The following ALS2CL variants were observed in gnomAD, a reference collection of about 807,000 sequenced individuals.
ALS2CL encodes the protein ALS2 C-terminal like, also known as ALS2 C-terminal-like protein.
ALS2CL carries 112 observed loss-of-function variants against 127.9 expected under a neutral mutation model. The observed-to-expected ratio is 0.88, with a 90% CI of 0.75 to 1.02. The LOEUF is 1.02. Ranked by LOEUF, ALS2CL falls within the 50% of genes least tolerant of loss-of-function variation. The pLI is 0.00. For synonymous variants in ALS2CL, 519 were observed against 527.6 expected, an observed-to-expected ratio of 0.98 and a Z score of 0.22; for missense variants, 1,174 against 1,236.7, an observed-to-expected ratio of 0.95 and a Z score of 0.76.
At chr3:46,675,497 T>C in intron 20 of ALS2CL, 121 bp downstream of exon 20, 1 of 924,070 alleles carries the variant, frequency 1.1e-6, no homozygotes, top group Non-Finnish European at 1.7e-6. Flanking sequence ...CAATGTTTGG[T>C]CAATAGAGTG....
In ALS2CL at chr3:46,686,974, G is replaced by A; in HGVS notation, c.534+9C>T. On this transcript the variant is annotated intron_variant, in intron 5 of 25. Transcript: ENST00000318962. The surrounding 1 kb of genome is among the most constrained non-coding windows in gnomAD (Gnocchi z 4.3). ...GGCTTCCCCACATGCTGCTGCCCCT[G>A]GTACCCACCTCCCCAATGGTGTCCC... 1 of 1,581,164 alleles carries A rather than the reference G, an allele frequency of 6.3e-7. No individual in the cohort carries two copies. The highest frequency in any genetic ancestry group is 1.7e-4 in the Middle Eastern group (1 of 5,896).
chr3:46,675,716 G>T, intron 19 of ALS2CL, 30 bp from the exon 20 acceptor site: 1 of 1,612,258 alleles, frequency 6.2e-7, no homozygotes. Flanking sequence ...AAATGGTGTG[G>T]CTGCCCCTTG....
chr3:46,691,722 C>CTTT (rs1029410954), intron 1 of ALS2CL, among the ~76,000 whole-genome samples: 4 of 134,686 alleles, frequency 3.0e-5, no homozygotes, highest in African/African-American at 8.2e-5. Context: ...TCTTTCTATT[C>CTTT]TTTTTTTTTT....
At chr3:46,687,229 A>T in intron 4 of ALS2CL, 81 bp from the exon 5 acceptor site, 1 of 1,419,150 alleles carries the variant, frequency 7.0e-7, no homozygotes, top group Non-Finnish European at 9.3e-7. Flanking sequence ...TGCCCCAGCT[A>T]ATCCCCTCAG....
Position 46,688,185 on chromosome 3 carries a change from T to C in ALS2CL, c.215A>G (p.Gln72Arg), listed in dbSNP as rs1424069857. The stretch of plus-strand genomic sequence containing the variant: ...GGAGTCCGGGTAACGCAGCCTCTCC[T>C]GCAGTGAGTGCAGGCTTTCCTCCGT... ...EVTEESLHSL[Q>R]ERLRYPDSTG... Residue 72 changes from glutamine (Q) to arginine (R), a missense_variant, in exon 3 of 26, where the codon CAG becomes CGG. Gln to Arg is a conservative substitution (Grantham distance 43). Transcript: ENST00000318962. 2 of 1,613,108 alleles carry C rather than the reference T, an allele frequency of 1.2e-6. No individual in the cohort carries two copies. The highest frequency in any genetic ancestry group is 2.2e-5 in the East Asian group (1 of 44,878).
intron 2 of ALS2CL, 23 bp from the exon 3 acceptor site, chr3:46,688,319 C>A: frequency 6.2e-7 from 1 of 1,608,108 alleles, no homozygotes; most frequent in Non-Finnish European, 8.5e-7. Context: ...TACAGTCACA[C>A]TGTGAGTAGA....
chr3:46,689,191 C>T lies in ALS2CL; in HGVS notation c.103+147G>A, dbSNP rs1022758648. ...TTGCAGTGAGCCAAGATCGCACCAC[C>T]TGCATCAGAAGATGCTGATACCAGG... On this transcript the variant is annotated intron_variant, in intron 2 of 25. Coordinates refer to ENST00000318962, the MANE Select transcript of ALS2CL (RefSeq NM_147129.5). The T allele has an allele frequency of 1.1e-5, 9 of 795,106 alleles. No individual in the cohort carries two copies. In the African/African-American group the frequency reaches 1.5e-4, roughly 14 times the overall value. 49.3% of individuals were successfully genotyped at this position (795,106 alleles called of 1,614,324 possible).
chr3:46,676,696 C>T lies in ALS2CL; in HGVS notation c.1974G>A (p.Leu658=), dbSNP rs866837150. The T allele has an allele frequency of 6.2e-7, 1 of 1,613,734 alleles. No individual in the cohort carries two copies. Among genetic ancestry groups the T allele is most frequent in the Non-Finnish European group, 8.5e-7 (1 of 1,179,986 alleles). ...EDSVGSMEDI[L]EELLQHREPK... Reference sequence around the variant, plus strand: ...GCTCCCGGTGCTGCAGCAGCTCCTCCAGGATGTCTTCCATACTGCCCACAC... The same window carrying T: ...GCTCCCGGTGCTGCAGCAGCTCCTCTAGGATGTCTTCCATACTGCCCACAC... Residue 658 remains leucine (L), a synonymous_variant, in exon 18 of 26, where the codon CTG becomes CTA. Coordinates refer to ENST00000318962, the MANE Select transcript of ALS2CL (RefSeq NM_147129.5).
chr3:46,677,959 CTGTATGTTTGGTT>C (rs1698998186), intron 16 of ALS2CL, among the ~76,000 whole-genome samples: 1 of 139,942 alleles, frequency 7.1e-6, no homozygotes, highest in South Asian at 2.2e-4. Context: ...TTTTTTTTTC[CTGTATGTTTGGTT>C]TGTAAACCGT....
chr3:46,687,041 G>A lies in ALS2CL; in HGVS notation c.476C>T (p.Ala159Val). 2 of 1,605,122 alleles carry A rather than the reference G, an allele frequency of 1.2e-6. No individual in the cohort carries two copies. The change falls in exon 5 of 26, where the codon GCC becomes GTC. Residue 159 changes from alanine to valine, a missense_variant. Coordinates refer to ENST00000318962, the MANE Select transcript of ALS2CL (RefSeq NM_147129.5). Reference sequence around the variant, plus strand: ...GAGCACGTACTGTTGCACGTGATGGGCGAGTGGCTGGTGGAGGGCCTGGCC... The same window carrying A: ...GAGCACGTACTGTTGCACGTGATGGACGAGTGGCTGGTGGAGGGCCTGGCC... The part of the protein sequence containing the change: ...SLGQALHQPL[A>V]HHVQQYVLLL...
intron 10 of ALS2CL, among the ~76,000 whole-genome samples, chr3:46,682,757 A>G (rs1699451520): frequency 1.3e-5 from 2 of 152,172 alleles, no homozygotes; most frequent in African/African-American, 4.8e-5. Context: ...AGCACTCCAT[A>G]CAGAGCGTCT....
At chr3:46,687,720 T>A in intron 3 of ALS2CL, 36 bp from the exon 4 acceptor site, 2 of 1,594,488 alleles carry the variant, frequency 1.3e-6, no homozygotes, top group Non-Finnish European at 1.7e-6. Flanking sequence ...GCAAACCCAG[T>A]CCTCAGCCCC....
chr3:46,683,972 C>T lies in ALS2CL; in HGVS notation c.845+17G>A, dbSNP rs1211880230. On this transcript the variant is annotated intron_variant, in intron 8 of 25. Coordinates refer to ENST00000318962, the MANE Select transcript of ALS2CL (RefSeq NM_147129.5). ...AAGGGAAGAAGGCCTGGGGTGTCAG[C>T]CGAGGGGGTTGCTCACCCGTCCTGC... The T allele has an allele frequency of 6.2e-7, 1 of 1,602,312 alleles. No individual in the cohort carries two copies. The highest frequency in any genetic ancestry group is 1.3e-5 in the African/African-American group (1 of 74,698).
In ALS2CL at chr3:46,676,283, C is replaced by T; in HGVS notation, c.2148G>A (p.Glu716=). The change falls in exon 19 of 26, where the codon GAG becomes GAA. Residue 716 remains glutamate, a synonymous_variant. Coordinates refer to ENST00000318962, the MANE Select transcript of ALS2CL (RefSeq NM_147129.5). ...AGAGTTCCTGGGCATGCTGCTTCAC[C>T]TCCTCCTGGGCCAGCTCCTGCAGGT... The part of the protein sequence containing the change: ...NKHLQELAQE[E]VKQHAQELWA... 1 of 1,613,680 alleles carries T rather than the reference C, an allele frequency of 6.2e-7. No homozygotes were observed. Among genetic ancestry groups the T allele is most frequent in the Non-Finnish European group, 8.5e-7 (1 of 1,179,934 alleles).
chr3:46,681,031 T>C lies in ALS2CL; in HGVS notation c.1436+215A>G, dbSNP rs937353487. 2.7e-5 allele frequency: 19 copies of C among 712,782 alleles called. No individual in the cohort carries two copies. In the Admixed American group the frequency reaches 2.7e-4, roughly 10 times the overall value. 44.2% of individuals were successfully genotyped at this position (712,782 alleles called of 1,614,324 possible). A position where few individuals can be genotyped will look rare whatever the true frequency, so the allele number is the denominator to read the frequency against. On this transcript the variant is annotated intron_variant, in intron 13 of 25. Coordinates refer to ENST00000318962, the MANE Select transcript of ALS2CL (RefSeq NM_147129.5). This position sits in a 1 kb window ranked among gnomAD's most constrained non-coding sequence, Gnocchi z 4.9. ...GGTCAGAAATGCCTCTCCAACACCA[T>C]GAGGAGGGGTGAGGGGCGGGGGCGA...
intron 14 of ALS2CL, chr3:46,680,216 G>A: frequency 1.8e-6 from 1 of 570,492 alleles, no homozygotes; most frequent in Non-Finnish European, 3.1e-6. Flanking sequence ...CTGAGTTGCT[G>A]ATGGGGAAAC....
chr3:46,669,105 C>T lies in ALS2CL; in HGVS notation c.*1879G>A, dbSNP rs1428098797. 6.6e-6 allele frequency: 1 copy of T among 152,104 alleles called. No homozygotes were observed. Among genetic ancestry groups the T allele is most frequent in the Non-Finnish European group, 1.5e-5 (1 of 68,036 alleles). 9.4% of individuals were successfully genotyped at this position (152,104 alleles called of 1,614,324 possible). On this transcript the variant is annotated 3_prime_UTR_variant, in exon 26 of 26. Transcript: ENST00000318962. ...TGAGTGCAGAGGTGCGATCTCCGCT[C>T]ACTGCAACCTCGACCCTCCAGGCTC...
chr3:46,688,749 C>A (rs541023189), intron 2 of ALS2CL, among the ~76,000 whole-genome samples: 1 of 152,342 alleles, frequency 6.6e-6, no homozygotes, highest in South Asian at 2.1e-4. Context: ...ACCTAGGCAT[C>A]CTGTTCCAGT....
intron 22 of ALS2CL, among the ~76,000 whole-genome samples, chr3:46,672,943 T>G (rs568352925): frequency 6.6e-6 from 1 of 152,082 alleles, no homozygotes; most frequent in South Asian, 2.1e-4. Flanking sequence ...GAGGCGGAGG[T>G]TGCAGTGAGC....
Sources: gnomAD v4.1 joint callset for allele counts (sites outside exome capture counted in the v4.1 genomes callset) on GRCh38, gnomAD v4.1.1 for gene constraint, Gnocchi (gnomAD v3.1) non-coding constraint, MANE v1.5 for transcripts, NCBI Gene and HGNC (gene_info 2026-07-23, HGNC 2026-07-21) for gene names.